Variants in SLC25A26 observed in about 807,000 individuals in gnomAD.
The protein encoded by SLC25A26 is mitochondrial S-adenosylmethionine carrier protein.
Under a neutral mutation model 37.8 loss-of-function variants are expected in SLC25A26, and 36 were observed. That is an observed-to-expected ratio of 0.95 (90% CI 0.73 to 1.26). The LOEUF (loss-of-function observed/expected upper bound fraction) is 1.26. Ranked by LOEUF, SLC25A26 falls within the 50% of genes most tolerant of loss-of-function variation. SLC25A26 has a pLI of 0.00. For synonymous variants in SLC25A26, 129 were observed against 122.5 expected (o/e 1.05, Z -0.35); for missense variants, 390 against 331.1 (o/e 1.18, Z -1.38).
intron 1 of SLC25A26, among the ~76,000 whole-genome samples, chr3:66,135,659 T>C (rs959984250): frequency 6.6e-6 from 1 of 152,070 alleles, no homozygotes; most frequent in African/African-American, 2.4e-5. Context: ...CTCAGCTACT[T>C]GGGAGGCTAA....
chr3:66,332,996 C>T (rs2076012365), intron 5 of SLC25A26, among the ~76,000 whole-genome samples: 1 of 152,060 alleles, frequency 6.6e-6, no homozygotes, highest in South Asian at 2.1e-4. Context: ...CTACTTTTCT[C>T]TTAGTATTTT....
At chr3:66,134,840 T>A (rs1327026998) in intron 1 of SLC25A26, among the ~76,000 whole-genome samples, 3 of 151,810 alleles carry the variant, frequency 2.0e-5, no homozygotes, top group East Asian at 1.9e-4. Flanking sequence ...TTTTTTTTTT[T>A]ATTTTTTGAG....
At chr3:66,344,142 C>G (rs1357159454) in intron 5 of SLC25A26, among the ~76,000 whole-genome samples, 2 of 152,122 alleles carry the variant, frequency 1.3e-5, no homozygotes, top group African/African-American at 4.8e-5. Context: ...TTGGGGCCAT[C>G]ATTTGCTGTA....
At chr3:66,313,795 T>G (rs767566867) in intron 5 of SLC25A26, among the ~76,000 whole-genome samples, 16 of 152,214 alleles carry the variant, frequency 1.1e-4, no homozygotes, top group Non-Finnish European at 2.2e-4. Flanking sequence ...TCTGATTTCC[T>G]TGTGCAGTGG....
Position 66,275,367 on chromosome 3 carries a change from T to A in SLC25A26, c.453+11988T>A, listed in dbSNP as rs555528506. On this transcript the variant is annotated intron_variant, in intron 5 of 9. Transcript: ENST00000354883. ...TATACATATGTAACTAACCTGCACA[T>A]TGTGCACATGTACCCTAAAACTTAA... 2.6e-5 allele frequency among the ~76,000 whole-genome samples: 4 copies of A among 151,968 alleles called. No individual in the cohort carries two copies. The East Asian group carries it at 7.8e-4, about 29-fold the overall frequency.
In SLC25A26 at chr3:66,369,564, T is replaced by C. The variant is rs368973523; in HGVS notation, c.633+22T>C. On this transcript the variant is annotated intron_variant, in intron 8 of 9. Coordinates refer to ENST00000354883, the MANE Select transcript of SLC25A26 (RefSeq NM_001379210.1). ...AAAGGTAAGTGGTGAAATAATGTAA[T>C]GGAGATACTTCAGATGCTCATATCT... 2,303 of 1,558,756 alleles carry C rather than the reference T, an allele frequency of 1.5e-3. 4 individuals are homozygous for C. The highest frequency in any genetic ancestry group is 1.9e-3 in the Non-Finnish European group (2,213 of 1,143,050).
rs60639995 is a variant in SLC25A26, at chr3:66,154,540, CTTTT to C, written c.-354+20571_-354+20574del. ...CTGTCCAACCTCGTTTTCTTTTTTT[CTTTT>C]TTTTTTTTTTTTTTGGTGACAGTCT... On this transcript the variant is annotated intron_variant, in intron 1 of 10. Coordinates refer to the SLC25A26 transcript ENST00000676754. 5.0e-4 allele frequency among the ~76,000 whole-genome samples: 65 copies of C among 130,384 alleles called. 1 individual carries two copies. Among genetic ancestry groups the C allele is most frequent in the South Asian group, 1.5e-3 (6 of 4,086 alleles). The allele number at this position is 130,384 out of a possible 152,430, so 85.5% of individuals were successfully genotyped here.
At chr3:66,296,897 C>G (rs762350772) in intron 5 of SLC25A26, among the ~76,000 whole-genome samples, 1 of 152,234 alleles carries the variant, frequency 6.6e-6, no homozygotes, top group East Asian at 1.9e-4. Context: ...TTTCCACACT[C>G]CCTGAACAGA....
intron 5 of SLC25A26, among the ~76,000 whole-genome samples, chr3:66,269,822 A>C (rs920746226): frequency 3.3e-5 from 5 of 151,862 alleles, no homozygotes; most frequent in Admixed American, 3.3e-4. Flanking sequence ...GTTTTCTTTG[A>C]TTTACCTTGT....
chr3:66,243,445 G>A (rs2072681933), intron 3 of SLC25A26, 133 bp downstream of exon 3: 1 of 529,636 alleles, frequency 1.9e-6, no homozygotes, highest in Non-Finnish European at 3.3e-6. Flanking sequence ...AATGTAAATG[G>A]ATTAAATATG....
At chr3:66,138,255 A>G (rs556974657) in intron 1 of SLC25A26, among the ~76,000 whole-genome samples, 16 of 152,308 alleles carry the variant, frequency 1.1e-4, no homozygotes, top group Non-Finnish European at 2.1e-4. Context: ...CAATGTATAC[A>G]TCGTATACAA....
At chr3:66,296,392 A>G (rs2074904160) in intron 5 of SLC25A26, among the ~76,000 whole-genome samples, 1 of 152,232 alleles carries the variant, frequency 6.6e-6, no homozygotes, top group Non-Finnish European at 1.5e-5. Flanking sequence ...AAATCAAGTT[A>G]TTTTATTTTC....
chr3:66,202,640 C>A (rs1240685374), intron 1 of SLC25A26, among the ~76,000 whole-genome samples: 1 of 151,744 alleles, frequency 6.6e-6, no homozygotes, highest in Non-Finnish European at 1.5e-5. Flanking sequence ...GACACTTGTT[C>A]AACAGCGAGA....
At position 66,304,410 on chromosome 3, in the gene SLC25A26, T is replaced by C. The variant is rs1346661129; in HGVS notation, c.453+41031T>C. 3 of 456,188 alleles carry C rather than the reference T, an allele frequency of 6.6e-6. No homozygotes were observed. In the Admixed American group the frequency reaches 7.1e-5, roughly 11 times the overall value. The allele number at this position is 456,188 out of a possible 1,614,324, so 28.3% of individuals were successfully genotyped here. A position where few individuals can be genotyped will look rare whatever the true frequency, so the allele number is the denominator to read the frequency against. On this transcript the variant is annotated intron_variant, in intron 5 of 9. Coordinates refer to ENST00000354883, the MANE Select transcript of SLC25A26 (RefSeq NM_001379210.1). ...CCTTTTCTGTTCAGTTTCAGTTTTG[T>C]GTTCACATGTCTGTTGTCATATTTT...
intron 5 of SLC25A26, among the ~76,000 whole-genome samples, chr3:66,276,600 G>A (rs945082676): frequency 6.8e-6 from 1 of 148,022 alleles, no homozygotes; most frequent in Non-Finnish European, 1.5e-5. Context: ...TGTGAGGGGT[G>A]CTTAAAAATG....
At chr3:66,269,187 G>A (rs1268337141) in intron 5 of SLC25A26, among the ~76,000 whole-genome samples, 3 of 152,202 alleles carry the variant, frequency 2.0e-5, no homozygotes, top group East Asian at 3.8e-4. Context: ...TCTAAAAGGC[G>A]GCTGTGATAG....
chr3:66,228,417 T>C (rs1453658015), intron 1 of SLC25A26, among the ~76,000 whole-genome samples: 1 of 152,228 alleles, frequency 6.6e-6, no homozygotes, highest in Non-Finnish European at 1.5e-5. Context: ...TGAAAGTTGC[T>C]CTAAATATTA....
chr3:66,305,047 A>G (rs1436077830), intron 5 of SLC25A26, among the ~76,000 whole-genome samples: 1 of 152,182 alleles, frequency 6.6e-6, no homozygotes, highest in African/African-American at 2.4e-5. Context: ...TTTTCTAGGA[A>G]CTGAATTTTT....
intron 1 of SLC25A26, among the ~76,000 whole-genome samples, chr3:66,174,773 A>AGG (rs2070552095): frequency 6.6e-6 from 1 of 151,612 alleles, no homozygotes; most frequent in African/African-American, 2.4e-5. Context: ...GCTACAAAGC[A>AGG]AGACTCCGAG....
Sources: allele counts gnomAD v4.1 joint callset (sites outside exome capture counted in the v4.1 genomes callset), GRCh38; gene constraint gnomAD v4.1.1; transcripts MANE v1.5; gene names NCBI Gene and HGNC (gene_info 2026-07-23, HGNC 2026-07-21).